HSD3B1: variants seen among roughly 807,000 people sequenced by gnomAD.
HSD3B1 encodes the protein hydroxy-delta-5-steroid dehydrogenase, 3 beta- and steroid delta-isomerase 1.
HSD3B1 carries 11 observed loss-of-function variants against 10.4 expected under a neutral mutation model. That is an observed-to-expected ratio of 1.05 (90% CI 0.66 to 1.75). The LOEUF (loss-of-function observed/expected upper bound fraction) is 1.75, where lower values mean the gene tolerates loss of function less well. HSD3B1 is among the 40% of genes most tolerant of loss of function. HSD3B1 has a pLI of 0.00. For missense variants in HSD3B1, 490 were observed against 454.5 expected (o/e 1.08, Z -0.71); for synonymous variants, 217 against 185.4 (o/e 1.17, Z -1.39).
intron 2 of HSD3B1, 32 bp from the exon 3 acceptor site, chr1:119,511,471 T>C (rs1428547801): frequency 2.5e-6 from 4 of 1,611,634 alleles, no homozygotes; most frequent in Non-Finnish European, 3.4e-6. Context: ...GATACAGAAA[T>C]CATTCCAATG....
chr1:119,512,101 T>G (rs1480889930), intron 3 of HSD3B1: 2 of 211,742 alleles, frequency 9.4e-6, no homozygotes, highest in African/African-American at 4.6e-5. Context: ...TTTTGAACCT[T>G]GTGTGTAGGC....
chr1:119,512,432 T>C (rs1230010708), intron 3 of HSD3B1, among the ~76,000 whole-genome samples: 1 of 152,088 alleles, frequency 6.6e-6, no homozygotes, highest in Non-Finnish European at 1.5e-5. Flanking sequence ...CCTTAAGGAA[T>C]CTTCTCAGAA....
chr1:119,513,679 C>T (rs186009030), intron 3 of HSD3B1, among the ~76,000 whole-genome samples, 155 bp from the exon 4 acceptor site: 105 of 152,180 alleles, frequency 6.9e-4, no homozygotes, highest in African/African-American at 2.3e-3. Flanking sequence ...GGCTGTAGTA[C>T]GACCAAATCT....
chr1:119,514,626 T>C lies in HSD3B1; in HGVS notation c.1103T>C (p.Leu368Pro). 6.2e-7 allele frequency: 1 copy of C among 1,613,806 alleles called. No individual in the cohort carries two copies. The highest frequency in any genetic ancestry group is 8.5e-7 in the Non-Finnish European group (1 of 1,179,938). ...GSLVDRHKETLKSKTQ is the reference protein window; with the variant it reads ...GSLVDRHKETPKSKTQ ...CTTGTGGACCGGCACAAGGAGACCC[T>C]GAAGTCCAAGACTCAGTGATTTAAG... The change falls in exon 4 of 4, where the codon CTG (leucine) becomes CCG (proline). Residue 368 changes from leucine to proline, a missense_variant. Leu to Pro is a moderately conservative substitution (Grantham distance 98). Transcript: ENST00000369413.
At chr1:119,508,522 C>CGGA (rs1408135413) in intron 2 of HSD3B1, among the ~76,000 whole-genome samples, 1 of 152,188 alleles carries the variant, frequency 6.6e-6, no homozygotes, top group African/African-American at 2.4e-5. Context: ...CATCAAGGTC[C>CGGA]GGAATCACAA....
At chr1:119,507,653 C>T in intron 2 of HSD3B1, 32 bp downstream of exon 2, 1 of 1,610,228 alleles carries the variant, frequency 6.2e-7, no homozygotes. Flanking sequence ...GTGTGTGGTT[C>T]CATCTTAAAC....
intron 2 of HSD3B1, among the ~76,000 whole-genome samples, chr1:119,508,862 C>G (rs901644294): frequency 1.3e-5 from 2 of 152,162 alleles, no homozygotes; most frequent in Non-Finnish European, 2.9e-5. Flanking sequence ...TTTCTTCCAC[C>G]CTCTGTTTTA....
intron 2 of HSD3B1, among the ~76,000 whole-genome samples, chr1:119,508,873 A>G (rs1303698175): frequency 6.6e-6 from 1 of 152,124 alleles, no homozygotes; most frequent in Non-Finnish European, 1.5e-5. Flanking sequence ...CTCTGTTTTA[A>G]TGTTGTCTTT....
rs972563100 is a variant in HSD3B1, at chr1:119,514,704, C to G, written c.*59C>G. On this transcript the variant is annotated 3_prime_UTR_variant, in exon 4 of 4. Transcript: ENST00000369413. Reference sequence around the variant, plus strand: ...GTTAGGAGATGTCATCAAGCTCCACCCTCCTGGCCTCATACAGAAAGTGAC... The same window carrying G: ...GTTAGGAGATGTCATCAAGCTCCACGCTCCTGGCCTCATACAGAAAGTGAC... The G allele has an allele frequency of 1.3e-5, 20 of 1,565,210 alleles. No homozygotes were observed. In the African/African-American group the frequency reaches 2.2e-4, roughly 17 times the overall value.
rs769104996 is a variant in HSD3B1, at chr1:119,513,874, G to A, written c.351G>A (p.Val117=). The A allele has an allele frequency of 6.2e-7, 1 of 1,613,940 alleles. No individual in the cohort carries two copies. The highest frequency in any genetic ancestry group is 8.5e-7 in the Non-Finnish European group (1 of 1,179,908). The part of the protein sequence containing the change: ...LLLEACVQAS[V]PVFIYTSSIE... ...TAGAGGCCTGTGTCCAAGCTAGTGT[G>A]CCAGTCTTCATCTACACCAGTAGCA... Residue 117 remains valine (V), a synonymous_variant, in exon 4 of 4, where the codon GTG becomes GTA. Coordinates refer to ENST00000369413, the MANE Select transcript of HSD3B1 (RefSeq NM_000862.3).
rs373423425 is a variant in HSD3B1 at position 119,510,712 on chromosome 1, GTTTTCTTTTTTTTTTTTTTTT to G, written c.146-786_146-766del. On this transcript the variant is annotated intron_variant, in intron 2 of 3. Coordinates refer to ENST00000369413, the MANE Select transcript of HSD3B1 (RefSeq NM_000862.3). Reference sequence around the variant, plus strand: ...TCCTTTTTTTGTTGTTGCTTGTGTGGTTTTCTTTTTTTTTTTTTTTTTTTTTTTTTTTTTTTTTTTTTGAGA... The same window carrying G: ...TCCTTTTTTTGTTGTTGCTTGTGTGGTTTTTTTTTTTTTTTTTTTTTGAGA... 4.6e-4 allele frequency among the ~76,000 whole-genome samples: 18 copies of G among 39,096 alleles called. 2 individuals carry two copies. Among genetic ancestry groups the G allele is most frequent in the African/African-American group, 1.1e-3 (18 of 16,960 alleles). 25.6% of individuals were successfully genotyped at this position (39,096 alleles called of 152,430 possible).
rs767214134 is a variant in HSD3B1 at position 119,511,561 on chromosome 1, C to T, written c.204C>T (p.Phe68=). ...AAGGAGACATTCTGGATGAGCCATT[C>T]CTGAAGAGAGCCTGCCAGGACGTCT... ...VLEGDILDEP[F]LKRACQDVSV... is the part of the protein sequence containing the mutation. Residue 68 remains phenylalanine (F), a synonymous_variant, in exon 3 of 4, where the codon TTC becomes TTT. Coordinates refer to ENST00000369413, the MANE Select transcript of HSD3B1 (RefSeq NM_000862.3). 2.7e-5 allele frequency: 43 copies of T among 1,613,684 alleles called. No individual in the cohort carries two copies. Among genetic ancestry groups the T allele is most frequent in the Non-Finnish European group, 1.8e-5 (21 of 1,179,780 alleles).
intron 2 of HSD3B1, 159 bp downstream of exon 2, chr1:119,507,780 A>G (rs1025743811): frequency 1.4e-6 from 1 of 701,548 alleles, no homozygotes; most frequent in East Asian, 2.9e-5. Flanking sequence ...ATAGTATAAA[A>G]TGGCATAGTA....
chr1:119,507,378 A>G lies in HSD3B1; in HGVS notation c.-85-14A>G, dbSNP rs965547999. Reference sequence around the variant, plus strand: ...ATCTGTGTGAGTATATAACCATTTGACATCTCTTTTTAGCCCTCTCCAGGG... The same window carrying G: ...ATCTGTGTGAGTATATAACCATTTGGCATCTCTTTTTAGCCCTCTCCAGGG... On this transcript the variant is annotated splice_polypyrimidine_tract_variant and intron_variant, in intron 1 of 3. Transcript: ENST00000369413. The G allele has an allele frequency of 1.6e-6, 2 of 1,245,062 alleles. No individual in the cohort carries two copies. The highest frequency in any genetic ancestry group is 3.0e-5 in the African/African-American group (2 of 67,494). The allele number at this position is 1,245,062 out of a possible 1,614,324, so 77.1% of individuals were successfully genotyped here.
Position 119,514,433 on chromosome 1 carries a change from C to A in HSD3B1, c.910C>A (p.Leu304Ile), listed in dbSNP as rs1284565626. Residue 304 changes from leucine to isoleucine, a missense_variant, in exon 4 of 4, where the codon CTA becomes ATA. By Grantham distance (5) the Leu-to-Ile change is conservative. Coordinates refer to ENST00000369413, the MANE Select transcript of HSD3B1 (RefSeq NM_000862.3). ...CTTCCTGCTGGAAATAGTGAGCTTC[C>A]TACTCAGGCCAATTTACACCTATCG... is the stretch of plus-strand genomic sequence containing the variant. ...IGFLLEIVSF[L>I]LRPIYTYRPP... is the part of the protein sequence containing the mutation. The A allele has an allele frequency of 1.2e-6, 2 of 1,614,002 alleles. No individual in the cohort carries two copies. The highest frequency in any genetic ancestry group is 2.7e-5 in the African/African-American group (2 of 74,900).
intron 3 of HSD3B1, 63 bp from the exon 4 acceptor site, chr1:119,513,771 T>C: frequency 6.7e-7 from 1 of 1,489,958 alleles, no homozygotes; most frequent in South Asian, 1.2e-5. Context: ...CATAGATCTG[T>C]GTTCGTGGTT....
At position 119,513,953 on chromosome 1, in the gene HSD3B1, G is replaced by T. The variant is rs35666482; in HGVS notation, c.430G>T (p.Glu144Ter). The change falls in exon 4 of 4, where the codon GAA becomes TAA. Residue 144 changes from glutamate to a stop codon, truncating the protein, a stop_gained. Coordinates refer to ENST00000369413, the MANE Select transcript of HSD3B1 (RefSeq NM_000862.3). LOFTEE classifies it low-confidence loss of function (END_TRUNC). ...YKEIIQNGHE[E>*]EPLENTWPAP... is the part of the protein sequence containing the mutation. Reference sequence around the variant, plus strand: ...GGAAATCATCCAGAATGGCCATGAAGAAGAGCCTCTGGAAAACACATGGCC... The same window carrying T: ...GGAAATCATCCAGAATGGCCATGAATAAGAGCCTCTGGAAAACACATGGCC... 1.9e-6 allele frequency: 3 copies of T among 1,614,106 alleles called. No homozygotes were observed. The highest frequency in any genetic ancestry group is 4.5e-5 in the East Asian group (2 of 44,870).
At chr1:119,508,299 G>A (rs895164313) in intron 2 of HSD3B1, among the ~76,000 whole-genome samples, 3 of 151,882 alleles carry the variant, frequency 2.0e-5, no homozygotes, top group African/African-American at 7.3e-5. Flanking sequence ...ACAGCACAGA[G>A]CAGAGACAGA....
chr1:119,514,649 A>C lies in HSD3B1; in HGVS notation c.*4A>C. On this transcript the variant is annotated 3_prime_UTR_variant, in exon 4 of 4. Coordinates refer to ENST00000369413, the MANE Select transcript of HSD3B1 (RefSeq NM_000862.3). ...CCTGAAGTCCAAGACTCAGTGATTT[A>C]AGGATGACAGAGATGTGCATGTGGG... is the stretch of plus-strand genomic sequence containing the variant. 1 of 1,613,432 alleles carries C rather than the reference A, an allele frequency of 6.2e-7. No homozygotes were observed. Among genetic ancestry groups the C allele is most frequent in the East Asian group, 2.2e-5 (1 of 44,778 alleles).
Sources: gnomAD v4.1 joint callset for allele counts (sites outside exome capture counted in the v4.1 genomes callset) on GRCh38, gnomAD v4.1.1 for gene constraint, MANE v1.5 for transcripts, NCBI Gene and HGNC (gene_info 2026-07-23, HGNC 2026-07-21) for gene names.